The following ELOVL4 variants were observed in gnomAD, a reference collection of about 807,000 sequenced individuals.
ELOVL4 encodes the protein ELOVL fatty acid elongase 4, also known as very long chain fatty acid elongase 4.
In ELOVL4, 18 loss-of-function variants were observed where a neutral mutation model predicts 42.1. The observed-to-expected ratio is 0.43, with a 90% CI of 0.30 to 0.63. The LOEUF is 0.63. ELOVL4 is among the 30% of genes least tolerant of loss of function. ELOVL4 has a pLI of 0.15. For missense variants in ELOVL4, 299 were observed against 376.2 expected (o/e 0.79, Z 1.70); for synonymous variants, 117 against 127.0 (o/e 0.92, Z 0.53).
intron 2 of ELOVL4, among the ~76,000 whole-genome samples, chr6:79,925,834 T>C (rs1202366204): frequency 1.3e-5 from 2 of 152,170 alleles, no homozygotes; most frequent in Non-Finnish European, 2.9e-5. Context: ...ACTGAGTGCT[T>C]AATACGTGCC....
rs1372273759 is a variant in ELOVL4, at chr6:79,915,726, T to G, written c.*882A>C. On this transcript the variant is annotated 3_prime_UTR_variant, in exon 6 of 6. Transcript: ENST00000369816. The stretch of plus-strand genomic sequence containing the variant: ...ACATATGAAAAATCAGGAACAGCCA[T>G]AAATCAAAACAAGGAAAGCCTGATA... 6.6e-6 allele frequency: 1 copy of G among 152,534 alleles called. No individual in the cohort carries two copies. Among genetic ancestry groups the G allele is most frequent in the Non-Finnish European group, 1.5e-5 (1 of 67,994 alleles). 9.4% of individuals were successfully genotyped at this position (152,534 alleles called of 1,614,324 possible).
chr6:79,928,901 T>C (rs539049161), intron 1 of ELOVL4, among the ~76,000 whole-genome samples: 1 of 151,570 alleles, frequency 6.6e-6, no homozygotes, highest in Non-Finnish European at 1.5e-5. Flanking sequence ...TAAATAAAAA[T>C]GTTCATTCTT....
At chr6:79,931,608 T>C (rs1774446433) in intron 1 of ELOVL4, among the ~76,000 whole-genome samples, 1 of 152,204 alleles carries the variant, frequency 6.6e-6, no homozygotes, top group Non-Finnish European at 1.5e-5. Flanking sequence ...CCAAGTCTTA[T>C]ACTTCATTAG....
At chr6:79,925,658 G>C (rs1283994119) in intron 2 of ELOVL4, among the ~76,000 whole-genome samples, 1 of 152,134 alleles carries the variant, frequency 6.6e-6, no homozygotes, top group Non-Finnish European at 1.5e-5. Flanking sequence ...GCCCAGAAAA[G>C]TATATAATGA....
At chr6:79,943,940 C>T (rs376069935) in intron 1 of ELOVL4, among the ~76,000 whole-genome samples, 1 of 150,492 alleles carries the variant, frequency 6.6e-6, no homozygotes, top group East Asian at 1.9e-4. Flanking sequence ...ACTATATCTG[C>T]GAAAAGAGGG....
At chr6:79,945,797 C>CA (rs5877686) in intron 1 of ELOVL4, among the ~76,000 whole-genome samples, 23,205 of 143,504 alleles carry the variant, frequency 0.16, 2,012 homozygotes, top group South Asian at 0.37. Flanking sequence ...CGCATAGAAA[C>CA]AAAAAAAAAA....
chr6:79,932,611 A>C (rs1409469935), intron 1 of ELOVL4, among the ~76,000 whole-genome samples: 2 of 151,998 alleles, frequency 1.3e-5, no homozygotes, highest in Admixed American at 1.3e-4. Context: ...TCCACCAATA[A>C]GTTTTTATTC....
At position 79,925,018 on chromosome 6, in the gene ELOVL4, T is replaced by A. The variant is rs1282310555; in HGVS notation, c.303A>T (p.Ser101=). Residue 101 remains serine, a synonymous_variant, in exon 3 of 6, where the codon TCA becomes TCT. Transcript: ENST00000369816. ...AAATATAGCTATATCCCGCATTATA[T>A]GATCCCATGAATAACTGGAAAAAGA... ...LFIFRELFMG[S]YNAGYSYICQ... 6 of 1,602,450 alleles carry A rather than the reference T, an allele frequency of 3.7e-6. No homozygotes were observed. The highest frequency in any genetic ancestry group is 5.1e-6 in the Non-Finnish European group (6 of 1,169,688).
intron 1 of ELOVL4, among the ~76,000 whole-genome samples, chr6:79,933,513 G>A (rs1218624524): frequency 6.6e-6 from 1 of 152,098 alleles, no homozygotes; most frequent in Non-Finnish European, 1.5e-5. Flanking sequence ...TTACAGTCAT[G>A]AGCCACCACA....
intron 1 of ELOVL4, among the ~76,000 whole-genome samples, chr6:79,930,256 CCT>C (rs1314104830): frequency 6.6e-6 from 1 of 152,154 alleles, no homozygotes; most frequent in East Asian, 1.9e-4. Flanking sequence ...TTAACAAATC[CCT>C]GTTTTCAGCC....
intron 3 of ELOVL4, among the ~76,000 whole-genome samples, chr6:79,923,842 G>A (rs1326010714): frequency 6.6e-6 from 1 of 152,034 alleles, no homozygotes; most frequent in African/African-American, 2.4e-5. Context: ...TTCTAATAGG[G>A]AAATGAAGAT....
At position 79,947,515 on chromosome 6, in the gene ELOVL4, G is replaced by A. The variant is rs240307; in HGVS notation, c.-236C>T. The A allele has an allele frequency of 0.064, 35,944 of 557,406 alleles. 4,901 individuals are homozygous for A. Among genetic ancestry groups the A allele is most frequent in the African/African-American group, 0.41 (21,631 of 52,364 alleles). The allele number at this position is 557,406 out of a possible 1,614,324, so 34.5% of individuals were successfully genotyped here. A position where few individuals can be genotyped will look rare whatever the true frequency, so the allele number is the denominator to read the frequency against. On this transcript the variant is annotated 5_prime_UTR_variant, in exon 1 of 6. Transcript: ENST00000369816. ...CCGGGAGAAAGACGAGGAGGTGGAG[G>A]AGGCCCAGCCGCCAGCACAGTGCGC...
At chr6:79,924,457 C>A (rs757133388) in intron 3 of ELOVL4, among the ~76,000 whole-genome samples, 116 of 152,194 alleles carry the variant, frequency 7.6e-4, no homozygotes, top group Non-Finnish European at 1.2e-3. Flanking sequence ...TTTTGAGATA[C>A]AAAAACAAAT....
chr6:79,938,888 C>T lies in ELOVL4; in HGVS notation c.100+8292G>A, dbSNP rs141512342. Among the ~76,000 whole-genome samples, 178 of 152,256 alleles carry T rather than the reference C, an allele frequency of 1.2e-3. 1 individual carries two copies. Among genetic ancestry groups the T allele is most frequent in the African/African-American group, 3.9e-3 (160 of 41,552 alleles). On this transcript the variant is annotated intron_variant, in intron 1 of 5. Coordinates refer to ENST00000369816, the MANE Select transcript of ELOVL4 (RefSeq NM_022726.4). Reference sequence around the variant, plus strand: ...TTTCTTTCTTGCTTGGCTAGTGTGACGGGAAGACAAGAGCACTGGGCTAGG... The same window carrying T: ...TTTCTTTCTTGCTTGGCTAGTGTGATGGGAAGACAAGAGCACTGGGCTAGG...
Position 79,916,588 on chromosome 6 carries a change from C to G in ELOVL4, c.*20G>C. On this transcript the variant is annotated 3_prime_UTR_variant, in exon 6 of 6. Transcript: ENST00000369816. ...GGGAGTTTTTCCTCACTGTCAACAACAGTTAAGGCCCAGTTCAATTTAATC... is the reference window on the plus strand; with the variant it reads ...GGGAGTTTTTCCTCACTGTCAACAAGAGTTAAGGCCCAGTTCAATTTAATC... 2 of 1,613,006 alleles carry G rather than the reference C, an allele frequency of 1.2e-6. No individual in the cohort carries two copies. Among genetic ancestry groups the G allele is most frequent in the Non-Finnish European group, 1.7e-6 (2 of 1,179,978 alleles).
chr6:79,918,396 A>G (rs1248153250), intron 5 of ELOVL4, among the ~76,000 whole-genome samples: 2 of 152,196 alleles, frequency 1.3e-5, no homozygotes, highest in East Asian at 3.9e-4. Flanking sequence ...AATTCACATG[A>G]TTTTGATCAC....
At chr6:79,921,944 AC>A (rs1774265271) in intron 3 of ELOVL4, 148 bp from the exon 4 acceptor site, 1 of 757,626 alleles carries the variant, frequency 1.3e-6, no homozygotes, top group African/African-American at 1.8e-5. Context: ...GGTTTGAAAA[AC>A]CTAAGCATCT....
chr6:79,942,475 C>T (rs1458861446), intron 1 of ELOVL4, among the ~76,000 whole-genome samples: 1 of 152,094 alleles, frequency 6.6e-6, no homozygotes, highest in Non-Finnish European at 1.5e-5. Context: ...TAATAAGTGG[C>T]TTAACAAATG....
chr6:79,927,937 A>T (rs779626073), intron 1 of ELOVL4, among the ~76,000 whole-genome samples: 4 of 152,154 alleles, frequency 2.6e-5, no homozygotes, highest in Non-Finnish European at 5.9e-5. Flanking sequence ...AGCACGGCTG[A>T]CTTTTGTTAA....
Sources: allele counts gnomAD v4.1 joint callset (sites outside exome capture counted in the v4.1 genomes callset), GRCh38; gene constraint gnomAD v4.1.1; transcripts MANE v1.5; gene names NCBI Gene and HGNC (gene_info 2026-07-23, HGNC 2026-07-21).